STK3: variants seen among roughly 807,000 people sequenced by gnomAD.
The protein encoded by STK3 is serine/threonine kinase 3, also known as serine/threonine-protein kinase 3.
STK3 carries 41 observed loss-of-function variants against 58.0 expected under a neutral mutation model. The ratio of observed to expected loss-of-function variants is 0.71; its 90% CI spans 0.55 to 0.92. The LOEUF (loss-of-function observed/expected upper bound fraction) is 0.92, where lower values mean the gene tolerates loss of function less well. STK3 is among the 40% of genes least tolerant of loss of function. The pLI is 0.00. For missense variants in STK3, 479 were observed against 602.7 expected, an observed-to-expected ratio of 0.79 and a Z score of 2.15; for synonymous variants, 170 against 191.0, an observed-to-expected ratio of 0.89 and a Z score of 0.91.
intron 1 of STK3, among the ~76,000 whole-genome samples, chr8:98,923,371 TG>T (rs1839646446): frequency 6.6e-6 from 1 of 152,234 alleles, no homozygotes; most frequent in Non-Finnish European, 1.5e-5. Flanking sequence ...TGGCAACACT[TG>T]TATTGTTTGC....
chr8:98,417,409 G>A (rs533932818), intron 3 of STK3, among the ~76,000 whole-genome samples: 1 of 152,268 alleles, frequency 6.6e-6, no homozygotes, highest in Admixed American at 6.5e-5. Flanking sequence ...AGGTACTCAG[G>A]AGGCTGAGGC....
At chr8:98,585,532 T>C (rs1814461510) in intron 7 of STK3, among the ~76,000 whole-genome samples, 1 of 150,232 alleles carries the variant, frequency 6.7e-6, no homozygotes, top group Non-Finnish European at 1.5e-5. Flanking sequence ...GGTAGTGTGA[T>C]GCCTCCAGCT....
At chr8:98,438,083 T>G (rs1191723509) in intron 1 of STK3, 1 of 152,282 alleles carries the variant, frequency 6.6e-6, no homozygotes, top group Non-Finnish European at 1.5e-5. Flanking sequence ...AGAAGGAGGA[T>G]GGTGAGGTTT....
At chr8:98,370,870 G>A (rs567316227), downstream of STK3, among the ~76,000 whole-genome samples, 3 of 152,272 alleles carry the variant, frequency 2.0e-5, no homozygotes, top group Non-Finnish European at 4.4e-5. Flanking sequence ...CTTTACACCC[G>A]AGTCTCAGTT....
At chr8:98,403,121 C>T (rs945397254) in intron 3 of STK3, among the ~76,000 whole-genome samples, 8 of 152,264 alleles carry the variant, frequency 5.3e-5, no homozygotes, top group Non-Finnish European at 1.2e-4. Flanking sequence ...CACAACCACA[C>T]TCGCAGCTGT....
intron 10 of STK3, among the ~76,000 whole-genome samples, chr8:98,476,564 CT>C (rs1259734741): frequency 6.6e-6 from 1 of 152,146 alleles, no homozygotes; most frequent in African/African-American, 2.4e-5. Flanking sequence ...CTTCCCCACC[CT>C]TTTTTCAGTT....
intron 3 of STK3, among the ~76,000 whole-genome samples, chr8:98,750,701 G>A (rs552501275): frequency 6.6e-6 from 1 of 152,042 alleles, no homozygotes; most frequent in South Asian, 2.1e-4. Flanking sequence ...CATCCCTGCT[G>A]AAACTATTTC....
chr8:98,363,471 G>A, the STK3 span, among the ~76,000 whole-genome samples: 2 of 152,144 alleles, frequency 1.3e-5, no homozygotes, highest in African/African-American at 4.8e-5. Flanking sequence ...GCTCCCCCAA[G>A]GACCATGCCT....
intron 10 of STK3, among the ~76,000 whole-genome samples, chr8:98,492,736 AC>A (rs1822797750): frequency 1.3e-5 from 2 of 152,100 alleles, no homozygotes; most frequent in Non-Finnish European, 2.9e-5. Context: ...ATCAGGTGTC[AC>A]CCACACCCTG....
At chr8:98,919,726 T>C (rs751442604) in intron 1 of STK3, among the ~76,000 whole-genome samples, 7 of 152,166 alleles carry the variant, frequency 4.6e-5, no homozygotes, top group Non-Finnish European at 1.0e-4. Flanking sequence ...GATGGGTACA[T>C]GAGTGTTCAT....
At chr8:98,767,095 TG>T in intron 3 of STK3, 147 bp downstream of exon 3, 1 of 944,286 alleles carries the variant, frequency 1.1e-6, no homozygotes, top group Non-Finnish European at 1.5e-6. Context: ...CACTCCAGCC[TG>T]GGCAACAACG....
At chr8:98,650,021 T>C (rs1000363247) in intron 6 of STK3, among the ~76,000 whole-genome samples, 5 of 152,218 alleles carry the variant, frequency 3.3e-5, no homozygotes, top group Non-Finnish European at 7.4e-5. Context: ...CCAATTTTTC[T>C]TTAATAACAT....
chr8:98,813,291 G>A (rs375015360), intron 1 of STK3, among the ~76,000 whole-genome samples: 268 of 152,200 alleles, frequency 1.8e-3, no homozygotes, highest in African/African-American at 6.1e-3. Context: ...AACATCTATC[G>A]GACTCTAAAG....
chr8:98,398,397 T>C (rs1198402229), downstream of STK3, among the ~76,000 whole-genome samples: 1 of 152,092 alleles, frequency 6.6e-6, no homozygotes, highest in African/African-American at 2.4e-5. Context: ...AAGCCCCACA[T>C]CCTGGGAACC....
chr8:98,542,985 A>T (rs1285832420), intron 9 of STK3, among the ~76,000 whole-genome samples: 1 of 152,190 alleles, frequency 6.6e-6, no homozygotes, highest in Non-Finnish European at 1.5e-5. Context: ...TCAAAAATAC[A>T]GTGGGAAATA....
intron 3 of STK3, among the ~76,000 whole-genome samples, chr8:98,839,017 T>TGC (rs751026653): frequency 4.4e-4 from 66 of 148,786 alleles, no homozygotes; most frequent in East Asian, 8.0e-4. Flanking sequence ...TGTGTGTGTG[T>TGC]GCGCTTGTGG....
At chr8:98,362,528 G>A in the STK3 span, among the ~76,000 whole-genome samples, 7 of 152,128 alleles carry the variant, frequency 4.6e-5, no homozygotes, top group African/African-American at 1.2e-4. Context: ...GGTGATGGGC[G>A]ATACTGTGGG....
At chr8:98,752,870 A>G in intron 3 of STK3, among the ~76,000 whole-genome samples, 1 of 152,002 alleles carries the variant, frequency 6.6e-6, no homozygotes, top group African/African-American at 2.4e-5. Context: ...AACATCACTG[A>G]TCATTACAGA....
intron 3 of STK3, among the ~76,000 whole-genome samples, chr8:98,877,591 C>T (rs1837602135): frequency 6.6e-6 from 1 of 152,092 alleles, no homozygotes; most frequent in Non-Finnish European, 1.5e-5. Flanking sequence ...TCAAGCGATT[C>T]TCCTGCCTCA....
Sources: allele counts gnomAD v4.1 joint callset (sites outside exome capture counted in the v4.1 genomes callset), GRCh38; gene constraint gnomAD v4.1.1; transcripts MANE v1.5; gene names NCBI Gene and HGNC (gene_info 2026-07-23, HGNC 2026-07-21).